ARHGAP24: variants seen among roughly 807,000 people sequenced by gnomAD.
ARHGAP24 encodes rho GTPase-activating protein 24.
ARHGAP24 carries 50 observed loss-of-function variants against 76.4 expected under a neutral mutation model. The ratio of observed to expected loss-of-function variants is 0.65; its 90% confidence interval spans 0.52 to 0.83. The LOEUF (loss-of-function observed/expected upper bound fraction) is 0.83, where lower values mean the gene tolerates loss of function less well. ARHGAP24 is among the 40% of genes least tolerant of loss of function. The pLI is 0.00. For synonymous variants in ARHGAP24, 345 were observed against 323.3 expected, an observed-to-expected ratio of 1.07 and a Z score of -0.72; for missense variants, 930 against 914.2, an observed-to-expected ratio of 1.02 and a Z score of -0.22.
intron 3 of ARHGAP24, among the ~76,000 whole-genome samples, chr4:85,813,640 T>G (rs1047376552): frequency 1.3e-5 from 2 of 151,770 alleles, no homozygotes; most frequent in African/African-American, 4.8e-5. Flanking sequence ...TATTTGATTT[T>G]TATATTTTCT....
At chr4:85,799,570 A>G (rs1419348301) in intron 3 of ARHGAP24, among the ~76,000 whole-genome samples, 1 of 152,214 alleles carries the variant, frequency 6.6e-6, no homozygotes, top group Non-Finnish European at 1.5e-5. Flanking sequence ...AATAAGGAAT[A>G]TAGAAATCAC....
chr4:85,523,827 T>C (rs867292381), intron 1 of ARHGAP24, among the ~76,000 whole-genome samples: 37 of 143,736 alleles, frequency 2.6e-4, no homozygotes, highest in African/African-American at 1.0e-3. Context: ...GGTTCCTTGG[T>C]TAAAAAAAAA....
chr4:85,594,849 A>G (rs779724306), intron 2 of ARHGAP24, among the ~76,000 whole-genome samples: 1 of 152,134 alleles, frequency 6.6e-6, no homozygotes, highest in Non-Finnish European at 1.5e-5. Context: ...GTATGAGGTG[A>G]AAAAGAGACT....
intron 2 of ARHGAP24, among the ~76,000 whole-genome samples, chr4:85,608,240 T>C (rs1720267915): frequency 6.6e-6 from 1 of 152,130 alleles, no homozygotes; most frequent in Non-Finnish European, 1.5e-5. Context: ...TTGTAATATA[T>C]AAGACTTTCA....
intron 4 of ARHGAP24, among the ~76,000 whole-genome samples, chr4:85,934,998 C>A (rs148522361): frequency 6.6e-6 from 1 of 152,128 alleles, no homozygotes; most frequent in African/African-American, 2.4e-5. Context: ...GATTCAAGAT[C>A]GATTACAAAC....
chr4:85,663,641 T>C (rs1722492767), intron 2 of ARHGAP24, among the ~76,000 whole-genome samples: 2 of 151,148 alleles, frequency 1.3e-5, no homozygotes, highest in Non-Finnish European at 2.9e-5. Flanking sequence ...TTCAGTATGA[T>C]ATTGGCTGTG....
chr4:85,521,974 A>T (rs1039557074), intron 1 of ARHGAP24, among the ~76,000 whole-genome samples: 3 of 152,176 alleles, frequency 2.0e-5, no homozygotes, highest in Non-Finnish European at 4.4e-5. Context: ...AATTATTAAA[A>T]TGTTTGATGC....
At chr4:85,915,740 G>A (rs1735350622) in intron 3 of ARHGAP24, among the ~76,000 whole-genome samples, 1 of 152,136 alleles carries the variant, frequency 6.6e-6, no homozygotes, top group Admixed American at 6.5e-5. Flanking sequence ...TCCCTGCAAA[G>A]GAAATGAACT....
intron 3 of ARHGAP24, among the ~76,000 whole-genome samples, chr4:85,815,187 G>A (rs1289556440): frequency 6.6e-6 from 1 of 152,086 alleles, no homozygotes; most frequent in African/African-American, 2.4e-5. Flanking sequence ...TGATGGGAGG[G>A]GCTGCCATGA....
intron 2 of ARHGAP24, among the ~76,000 whole-genome samples, chr4:85,614,989 T>C (rs1250075881): frequency 1.3e-5 from 2 of 152,084 alleles, no homozygotes; most frequent in African/African-American, 4.8e-5. Context: ...AAGGTAAGAA[T>C]AAGTCTGTGA....
intron 2 of ARHGAP24, among the ~76,000 whole-genome samples, chr4:85,666,369 A>G (rs1250288255): frequency 2.0e-5 from 3 of 152,068 alleles, no homozygotes; most frequent in South Asian, 4.2e-4. Context: ...ACTTCTCTGT[A>G]TTGGTTATTC....
intron 3 of ARHGAP24, among the ~76,000 whole-genome samples, chr4:85,914,387 C>T (rs1229937908): frequency 6.6e-6 from 1 of 152,154 alleles, no homozygotes; most frequent in East Asian, 1.9e-4. Flanking sequence ...TGCAGGGTCC[C>T]ATTGCCATTT....
intron 1 of ARHGAP24, among the ~76,000 whole-genome samples, chr4:85,504,242 G>A (rs904294725): frequency 6.6e-6 from 1 of 152,316 alleles, no homozygotes; most frequent in South Asian, 2.1e-4. Flanking sequence ...TCTGCTTGGT[G>A]CAGAGCTGAG....
intron 1 of ARHGAP24, among the ~76,000 whole-genome samples, chr4:85,564,419 C>A (rs1002619385): frequency 6.2e-5 from 9 of 145,178 alleles, no homozygotes; most frequent in South Asian, 2.2e-4. Context: ...GGGGGGATAG[C>A]ATTAGGAGAT....
intron 2 of ARHGAP24, among the ~76,000 whole-genome samples, chr4:85,585,495 G>A (rs756521522): frequency 2.6e-5 from 4 of 152,128 alleles, no homozygotes; most frequent in Non-Finnish European, 5.9e-5. Flanking sequence ...GGAATCTGTG[G>A]GAGAGGTACT....
chr4:85,672,856 G>A (rs1170495094), intron 2 of ARHGAP24, among the ~76,000 whole-genome samples: 1 of 152,186 alleles, frequency 6.6e-6, no homozygotes, highest in African/African-American at 2.4e-5. Flanking sequence ...CTCCCCTGCT[G>A]AGTGCTTATT....
chr4:85,863,488 G>T (rs557085830), intron 3 of ARHGAP24, among the ~76,000 whole-genome samples: 5 of 152,146 alleles, frequency 3.3e-5, no homozygotes, highest in East Asian at 1.9e-4. Flanking sequence ...AGGTCTACTT[G>T]TTTATCTTTG....
chr4:85,867,301 A>G (rs1397949892), intron 3 of ARHGAP24, among the ~76,000 whole-genome samples: 1 of 152,114 alleles, frequency 6.6e-6, no homozygotes, highest in Non-Finnish European at 1.5e-5. Context: ...TATATGTTGG[A>G]TGTAATCTTT....
At chr4:85,859,923 C>T (rs1731793216) in intron 3 of ARHGAP24, among the ~76,000 whole-genome samples, 2 of 151,774 alleles carry the variant, frequency 1.3e-5, no homozygotes, top group Non-Finnish European at 2.9e-5. Context: ...AGCTTTAGAG[C>T]TTACAATTAA....
Sources: gnomAD v4.1 joint callset for allele counts (sites outside exome capture counted in the v4.1 genomes callset) on GRCh38, gnomAD v4.1.1 for gene constraint, MANE v1.5 for transcripts, NCBI Gene and HGNC (gene_info 2026-07-23, HGNC 2026-07-21) for gene names.